AFG2A: variants seen among roughly 807,000 people sequenced by gnomAD.
AFG2A encodes the protein AAA ATPase AFG2A.
chr4:123,239,854 T>C, the AFG2A span, among the ~76,000 whole-genome samples: 1 of 152,178 alleles, frequency 6.6e-6, no homozygotes, highest in Non-Finnish European at 1.5e-5. Flanking sequence ...GTAAATGGGC[T>C]AAATGCTCCA....
chr4:122,951,888 C>G, the AFG2A span, among the ~76,000 whole-genome samples: 1 of 152,184 alleles, frequency 6.6e-6, no homozygotes, highest in East Asian at 1.9e-4. Context: ...GCTCAGCAGC[C>G]TCCCTAAAAG....
the AFG2A span, among the ~76,000 whole-genome samples, chr4:123,029,151 T>C: frequency 6.6e-6 from 1 of 152,224 alleles, no homozygotes. Context: ...GAATGCATTT[T>C]CTTTAGCGTG....
chr4:123,012,220 G>A, the AFG2A span, among the ~76,000 whole-genome samples: 4 of 145,162 alleles, frequency 2.8e-5, no homozygotes, highest in African/African-American at 1.0e-4. Flanking sequence ...CAGGAAAGTG[G>A]AGAAAGGGTG....
At chr4:122,965,570 A>C in the AFG2A span, among the ~76,000 whole-genome samples, 3 of 152,202 alleles carry the variant, frequency 2.0e-5, no homozygotes, top group African/African-American at 7.2e-5. Context: ...TAAAATAATG[A>C]AAAGAAGATG....
the AFG2A span, among the ~76,000 whole-genome samples, chr4:123,310,401 G>T: frequency 6.6e-6 from 1 of 152,138 alleles, no homozygotes; most frequent in African/African-American, 2.4e-5. Flanking sequence ...AATGTAATCC[G>T]TGTTTTCTTT....
chr4:123,044,151 T>TG, the AFG2A span, among the ~76,000 whole-genome samples: 2 of 152,210 alleles, frequency 1.3e-5, no homozygotes, highest in East Asian at 3.9e-4. Context: ...GCTCTGCCCT[T>TG]GTATGCAGCT....
At chr4:123,090,464 A>G in the AFG2A span, 1 of 1,216,904 alleles carries the variant, frequency 8.2e-7, no homozygotes, top group Admixed American at 2.6e-5. Flanking sequence ...CATACTTCAT[A>G]TTTGAAAATA....
the AFG2A span, among the ~76,000 whole-genome samples, chr4:123,075,966 A>G: frequency 1.1e-5 from 1 of 93,464 alleles, no homozygotes; most frequent in South Asian, 3.8e-4. Flanking sequence ...TCTAAAAACA[A>G]CAACAACAAC....
chr4:122,942,500 T>TG, the AFG2A span, among the ~76,000 whole-genome samples: 6 of 152,068 alleles, frequency 3.9e-5, no homozygotes, highest in Non-Finnish European at 8.8e-5. Flanking sequence ...CATTTTTTAT[T>TG]GCGTCTATTT....
At chr4:123,199,462 G>GT in the AFG2A span, among the ~76,000 whole-genome samples, 7,901 of 47,400 alleles carry the variant, frequency 0.17, 1,683 homozygotes, top group Non-Finnish European at 0.26. Context: ...ATACTCAGAG[G>GT]TTTTTTTTTT....
chr4:123,204,543 C>G, the AFG2A span, among the ~76,000 whole-genome samples: 1 of 152,038 alleles, frequency 6.6e-6, no homozygotes, highest in Non-Finnish European at 1.5e-5. Context: ...GCACATTTTC[C>G]TTTGGATATG....
At chr4:122,971,697 G>T in the AFG2A span, among the ~76,000 whole-genome samples, 7 of 151,834 alleles carry the variant, frequency 4.6e-5, no homozygotes, top group Admixed American at 3.9e-4. Context: ...TGTTGTATGC[G>T]TGATAAGGAG....
At chr4:123,113,462 A>G in the AFG2A span, among the ~76,000 whole-genome samples, 1 of 152,166 alleles carries the variant, frequency 6.6e-6, no homozygotes, top group Non-Finnish European at 1.5e-5. Context: ...ATTTGCGATA[A>G]CTTTCAGTAT....
At chr4:122,969,641 A>G in the AFG2A span, among the ~76,000 whole-genome samples, 1 of 152,156 alleles carries the variant, frequency 6.6e-6, no homozygotes, top group African/African-American at 2.4e-5. Flanking sequence ...TTGCATTTTG[A>G]TTGGAATTAT....
the AFG2A span, among the ~76,000 whole-genome samples, chr4:123,259,079 C>G: frequency 6.6e-6 from 1 of 152,106 alleles, no homozygotes; most frequent in Non-Finnish European, 1.5e-5. Context: ...ATTGGCCAGG[C>G]TGGTCTTGAA....
At chr4:123,143,244 G>A in the AFG2A span, among the ~76,000 whole-genome samples, 1 of 150,526 alleles carries the variant, frequency 6.6e-6, no homozygotes, top group Non-Finnish European at 1.5e-5. Flanking sequence ...TTTTTAAGTT[G>A]TTGTACCTTC....
chr4:123,133,744 A>G, the AFG2A span, among the ~76,000 whole-genome samples: 1 of 152,328 alleles, frequency 6.6e-6, no homozygotes, highest in Admixed American at 6.5e-5. Context: ...ACTAATTTAC[A>G]GTGTCACTAA....
chr4:123,051,013 G>A, the AFG2A span, among the ~76,000 whole-genome samples: 5 of 151,982 alleles, frequency 3.3e-5, no homozygotes, highest in African/African-American at 1.2e-4. Flanking sequence ...GGGATTACAG[G>A]TGTGAGGGTC....
At chr4:122,997,729 AG>A in the AFG2A span, among the ~76,000 whole-genome samples, 1 of 152,176 alleles carries the variant, frequency 6.6e-6, no homozygotes, top group African/African-American at 2.4e-5. Flanking sequence ...TATTTTCCAA[AG>A]TATCTGTACC....
Sources: allele counts gnomAD v4.1 joint callset (sites outside exome capture counted in the v4.1 genomes callset), GRCh38; gene constraint gnomAD v4.1.1; transcripts MANE v1.5; gene names NCBI Gene and HGNC (gene_info 2026-07-23, HGNC 2026-07-21).